PXT1: variants seen among roughly 807,000 people sequenced by gnomAD.
The protein encoded by PXT1 is peroxisomal testis enriched protein 1, also known as peroxisomal testis-specific protein 1.
A neutral mutation model predicts 11.0 loss-of-function variants in PXT1; 11 were observed. The observed-to-expected ratio is 1.00, with a 90% CI of 0.63 to 1.66. The LOEUF (loss-of-function observed/expected upper bound fraction) is 1.66. Among genes scored for constraint, PXT1 ranks in the 40% most tolerant of loss-of-function variants. PXT1 has a pLI of 0.00. For synonymous variants in PXT1, 43 were observed against 51.4 expected (o/e 0.84, Z 0.70); for missense variants, 141 against 155.5 (o/e 0.91, Z 0.49).
At chr6:36,423,780 A>G (rs2127416016) in intron 3 of PXT1, among the ~76,000 whole-genome samples, 1 of 152,262 alleles carries the variant, frequency 6.6e-6, no homozygotes, top group Middle Eastern at 3.4e-3. Context: ...AGGACATGGG[A>G]GACAGCACTT....
At position 36,409,915 on chromosome 6, in the gene PXT1, G is replaced by A. The variant is rs192122063; in HGVS notation, c.170-9331C>T. Among the ~76,000 whole-genome samples, 485 of 145,752 alleles carry A rather than the reference G, an allele frequency of 3.3e-3. 1 individual carries two copies. The highest frequency in any genetic ancestry group is 0.012 in the African/African-American group (460 of 39,122). ...GAAGGAAAGAAGGAAGGAAGGAAGG[G>A]AGAAAGGAAGAAAGGACGAAGGAAA... is the stretch of plus-strand genomic sequence containing the variant. On this transcript the variant is annotated intron_variant, in intron 3 of 4. Transcript: ENST00000454782.
chr6:36,424,466 C>T (rs1369235672), intron 3 of PXT1, among the ~76,000 whole-genome samples: 1 of 151,480 alleles, frequency 6.6e-6, no homozygotes, highest in African/African-American at 2.4e-5. Context: ...ACGGTGAAAC[C>T]CCGTCTCTAC....
intron 4 of PXT1, among the ~76,000 whole-genome samples, chr6:36,396,257 C>A (rs1774142945): frequency 6.6e-6 from 1 of 152,218 alleles, no homozygotes; most frequent in Non-Finnish European, 1.5e-5. Context: ...CAGGAAGGTG[C>A]AGCTGGGGCC....
At chr6:36,400,391 C>T (rs1053234623) in intron 4 of PXT1, 63 bp downstream of exon 4, 13 of 1,585,056 alleles carry the variant, frequency 8.2e-6, no homozygotes, top group Middle Eastern at 1.7e-4. Flanking sequence ...ACTTGGCAGC[C>T]GTAGTTTTGT....
At chr6:36,429,672 A>G (rs1197484370) in intron 2 of PXT1, among the ~76,000 whole-genome samples, 3 of 149,822 alleles carry the variant, frequency 2.0e-5, no homozygotes, top group Admixed American at 2.0e-4. Context: ...TGCCTGGCTA[A>G]TTTTTTATTT....
chr6:36,435,399 A>C (rs534923742), intron 2 of PXT1, among the ~76,000 whole-genome samples: 4 of 152,202 alleles, frequency 2.6e-5, no homozygotes, highest in Non-Finnish European at 5.9e-5. Context: ...TCTCTACAAA[A>C]ATTTTTTTTT....
intron 4 of PXT1, among the ~76,000 whole-genome samples, chr6:36,398,511 G>A (rs1774173192): frequency 6.6e-6 from 1 of 152,098 alleles, no homozygotes; most frequent in South Asian, 2.1e-4. Flanking sequence ...AGCAAAATGT[G>A]GTATATCGTA....
chr6:36,411,292 A>G (rs544831478), intron 3 of PXT1, among the ~76,000 whole-genome samples: 21 of 152,210 alleles, frequency 1.4e-4, no homozygotes, highest in African/African-American at 5.1e-4. Flanking sequence ...CTCTACTAAA[A>G]ATACAAAAAT....
intron 3 of PXT1, among the ~76,000 whole-genome samples, chr6:36,415,213 C>A (rs937204005): frequency 6.6e-6 from 1 of 152,068 alleles, no homozygotes; most frequent in Admixed American, 6.6e-5. Flanking sequence ...GAGGCTGAGG[C>A]AAGTGGATCA....
At chr6:36,434,092 T>C (rs1774731129) in intron 2 of PXT1, among the ~76,000 whole-genome samples, 1 of 151,668 alleles carries the variant, frequency 6.6e-6, no homozygotes, top group Non-Finnish European at 1.5e-5. Context: ...AAAGCAAATA[T>C]TGGGAGCTCA....
chr6:36,423,188 A>T (rs1222869338), intron 3 of PXT1, among the ~76,000 whole-genome samples: 1 of 152,204 alleles, frequency 6.6e-6, no homozygotes, highest in Non-Finnish European at 1.5e-5. Flanking sequence ...TCTGTGTCAC[A>T]GCCCCGGACA....
chr6:36,440,459 A>T (rs1196470576), intron 1 of PXT1, among the ~76,000 whole-genome samples: 1 of 151,872 alleles, frequency 6.6e-6, no homozygotes, highest in Non-Finnish European at 1.5e-5. Flanking sequence ...AGTCCCAGCT[A>T]CTCGAGAGGC....
rs938703952 is a variant in PXT1 at position 36,410,406 on chromosome 6, C to T, written c.170-9822G>A. Among the ~76,000 whole-genome samples, 46 of 147,152 alleles carry T rather than the reference C, an allele frequency of 3.1e-4. 2 individuals carry two copies. The highest frequency in any genetic ancestry group is 5.2e-4 in the Non-Finnish European group (35 of 67,248). Reference sequence around the variant, plus strand: ...CGGAGGTTGCAGTGAGCCGAGATAGCGCCATTGCTCGCCAGCCAGGGCAAC... The same window carrying T: ...CGGAGGTTGCAGTGAGCCGAGATAGTGCCATTGCTCGCCAGCCAGGGCAAC... On this transcript the variant is annotated intron_variant, in intron 3 of 4. Coordinates refer to ENST00000454782, the MANE Select transcript of PXT1 (RefSeq NM_152990.4).
intron 4 of PXT1, among the ~76,000 whole-genome samples, chr6:36,398,502 G>A (rs1369055892): frequency 6.6e-6 from 1 of 152,138 alleles, no homozygotes; most frequent in African/African-American, 2.4e-5. Flanking sequence ...GAATGGATAA[G>A]CAAAATGTGG....
intron 2 of PXT1, among the ~76,000 whole-genome samples, chr6:36,430,302 A>AAT (rs927973975): frequency 1.3e-5 from 2 of 152,184 alleles, no homozygotes; most frequent in Non-Finnish European, 2.9e-5. Flanking sequence ...GTTGTAGGTT[A>AAT]AATAACAGCT....
intron 2 of PXT1, 128 bp from the exon 3 acceptor site, chr6:36,426,219 G>T (rs1774604056): frequency 1.6e-6 from 1 of 610,532 alleles, no homozygotes; most frequent in Admixed American, 3.6e-5. Context: ...TATGGATTGG[G>T]GTAGAAGGTG....
intron 3 of PXT1, among the ~76,000 whole-genome samples, chr6:36,403,215 A>T (rs1462690500): frequency 1.3e-5 from 2 of 152,156 alleles, no homozygotes; most frequent in Non-Finnish European, 2.9e-5. Context: ...TTGAGGATTG[A>T]TGGTTTAGAG....
chr6:36,438,816 G>A lies in PXT1; in HGVS notation c.-59C>T, dbSNP rs966992147. On this transcript the variant is annotated 5_prime_UTR_variant, in exon 2 of 5. Coordinates refer to ENST00000454782, the MANE Select transcript of PXT1 (RefSeq NM_152990.4). The stretch of plus-strand genomic sequence containing the variant: ...TTATTTTCTGTATTTTCATGCTTGA[G>A]TTAATAAATTGCAAAGTTTCCCTCT... 3.9e-5 allele frequency: 6 copies of A among 152,174 alleles called. No individual in the cohort carries two copies. Among genetic ancestry groups the A allele is most frequent in the African/African-American group, 1.4e-4 (6 of 41,448 alleles). The allele number at this position is 152,174 out of a possible 1,614,324, so 9.4% of individuals were successfully genotyped here. A position where few individuals can be genotyped will look rare whatever the true frequency, so the allele number is the denominator to read the frequency against.
chr6:36,429,503 C>CTTTTTTTTTTT (rs1774658180), intron 2 of PXT1, among the ~76,000 whole-genome samples: 3 of 104,248 alleles, frequency 2.9e-5, no homozygotes, highest in Admixed American at 1.1e-4. Context: ...TTCTTTTTTT[C>CTTTTTTTTTTT]TTTTCTTTTT....
Sources: allele counts gnomAD v4.1 joint callset (sites outside exome capture counted in the v4.1 genomes callset), GRCh38; gene constraint gnomAD v4.1.1; transcripts MANE v1.5; gene names NCBI Gene and HGNC (gene_info 2026-07-23, HGNC 2026-07-21).